The following RBM20 variants were observed in gnomAD, a reference collection of about 807,000 sequenced individuals.
The protein encoded by RBM20 is RNA binding motif protein 20.
In RBM20, 51 loss-of-function variants were observed where a neutral mutation model predicts 110.1. The observed-to-expected ratio is 0.46, with a 90% CI of 0.37 to 0.59. The LOEUF is 0.59. Among genes scored for constraint, RBM20 ranks in the 20% least tolerant of loss-of-function variants. The pLI is 0.00. For synonymous variants in RBM20, 589 were observed against 618.2 expected (o/e 0.95, Z 0.70); for missense variants, 1,512 against 1,574.9 (o/e 0.96, Z 0.68).
At position 110,810,553 on chromosome 10, in the gene RBM20, G is replaced by T. The variant is rs1844752262; in HGVS notation, c.1880+91G>T. On this transcript the variant is annotated intron_variant, in intron 8 of 13. Coordinates refer to ENST00000369519, the MANE Select transcript of RBM20 (RefSeq NM_001134363.3). Reference sequence around the variant, plus strand: ...TTCTTAGGGGCATTTGAGTCATGCTGTGCCCTGTTCTTGCCCCTACCCCAT... The same window carrying T: ...TTCTTAGGGGCATTTGAGTCATGCTTTGCCCTGTTCTTGCCCCTACCCCAT... 5 of 920,894 alleles carry T rather than the reference G, an allele frequency of 5.4e-6. No homozygotes were observed. In the East Asian group the frequency reaches 8.1e-5, roughly 15 times the overall value. 57.0% of individuals were successfully genotyped at this position (920,894 alleles called of 1,614,324 possible). A position where few individuals can be genotyped will look rare whatever the true frequency, so the allele number is the denominator to read the frequency against.
At chr10:110,823,895 T>TA in intron 12 of RBM20, among the ~76,000 whole-genome samples, 1 of 149,622 alleles carries the variant, frequency 6.7e-6, no homozygotes, top group South Asian at 2.1e-4. Flanking sequence ...TTTTTTTAAT[T>TA]TTTTTTTTTT....
chr10:110,750,108 A>G (rs1843833758), intron 1 of RBM20, among the ~76,000 whole-genome samples: 1 of 152,240 alleles, frequency 6.6e-6, no homozygotes, highest in Admixed American at 6.5e-5. Flanking sequence ...GGGACAGGGG[A>G]CATCAGCTTT....
chr10:110,698,243 G>T (rs949347425), intron 1 of RBM20, among the ~76,000 whole-genome samples: 1 of 117,876 alleles, frequency 8.5e-6, no homozygotes, highest in Non-Finnish European at 2.1e-5. Flanking sequence ...GGCCCTATGG[G>T]CAAAGACTTC....
intron 1 of RBM20, among the ~76,000 whole-genome samples, chr10:110,647,401 CT>C (rs1443317780): frequency 6.6e-6 from 1 of 152,122 alleles, no homozygotes; most frequent in African/African-American, 2.4e-5. Flanking sequence ...TCATCCATAC[CT>C]TTTCTGCTCT....
chr10:110,764,858 C>T (rs1844058468), intron 1 of RBM20, among the ~76,000 whole-genome samples: 1 of 152,172 alleles, frequency 6.6e-6, no homozygotes, highest in Admixed American at 6.5e-5. Flanking sequence ...TACCTTTCCC[C>T]AGCACAAGGG....
chr10:110,649,014 C>T (rs1259335443), intron 1 of RBM20, among the ~76,000 whole-genome samples: 1 of 152,082 alleles, frequency 6.6e-6, no homozygotes, highest in African/African-American at 2.4e-5. Flanking sequence ...TTTGATCACC[C>T]TTTTTATTTT....
intron 1 of RBM20, among the ~76,000 whole-genome samples, chr10:110,767,333 G>A (rs1844112388): frequency 1.4e-5 from 2 of 143,826 alleles, no homozygotes; most frequent in African/African-American, 2.6e-5. Flanking sequence ...GGCTAGCCGG[G>A]TGGGGGGCTG....
intron 1 of RBM20, among the ~76,000 whole-genome samples, chr10:110,752,594 T>C (rs1378482817): frequency 2.0e-5 from 3 of 152,210 alleles, no homozygotes; most frequent in Non-Finnish European, 4.4e-5. Context: ...TAGATGTAGT[T>C]GAAAGGGATA....
intron 1 of RBM20, among the ~76,000 whole-genome samples, chr10:110,746,487 G>T (rs1423158253): frequency 6.6e-6 from 1 of 152,196 alleles, no homozygotes; most frequent in African/African-American, 2.4e-5. Context: ...TGCTCAACTG[G>T]TAAGACCCAC....
chr10:110,832,677 A>G (rs914620999), intron 13 of RBM20, among the ~76,000 whole-genome samples: 2 of 152,254 alleles, frequency 1.3e-5, no homozygotes, highest in Non-Finnish European at 2.9e-5. Flanking sequence ...CTGATTCTGA[A>G]TCACTTTCCT....
intron 1 of RBM20, among the ~76,000 whole-genome samples, chr10:110,729,108 C>T (rs748611932): frequency 6.6e-6 from 1 of 152,066 alleles, no homozygotes; most frequent in Non-Finnish European, 1.5e-5. Context: ...TTTCTTCAAG[C>T]GTTCTGCTAG....
chr10:110,661,469 A>G (rs1341019970), intron 1 of RBM20, among the ~76,000 whole-genome samples: 1 of 152,206 alleles, frequency 6.6e-6, no homozygotes, highest in Non-Finnish European at 1.5e-5. Context: ...GCCAAAAAAG[A>G]TTGGAACAAC....
intron 12 of RBM20, among the ~76,000 whole-genome samples, chr10:110,826,293 GT>G (rs1844979968): frequency 6.6e-6 from 1 of 152,130 alleles, no homozygotes; most frequent in Admixed American, 6.5e-5. Context: ...CAAGTGCATA[GT>G]TTGATCAGTT....
At chr10:110,759,904 A>G (rs143260114) in intron 1 of RBM20, among the ~76,000 whole-genome samples, 2 of 152,300 alleles carry the variant, frequency 1.3e-5, no homozygotes, top group Non-Finnish European at 2.9e-5. Flanking sequence ...CAAATGTTAA[A>G]TTGGAGGCCA....
intron 9 of RBM20, among the ~76,000 whole-genome samples, chr10:110,816,236 A>G (rs1405421069): frequency 6.7e-6 from 1 of 150,192 alleles, no homozygotes; most frequent in African/African-American, 2.5e-5. Context: ...GCCACTGCAC[A>G]TGATTTCAAC....
chr10:110,755,429 G>GTTACT (rs1401995286), intron 1 of RBM20, among the ~76,000 whole-genome samples: 1 of 152,130 alleles, frequency 6.6e-6, no homozygotes, highest in Admixed American at 6.6e-5. Context: ...TGTTTTTATG[G>GTTACT]TTACTTACTC....
chr10:110,689,604 TG>T (rs1488389309), intron 1 of RBM20, among the ~76,000 whole-genome samples: 2 of 152,130 alleles, frequency 1.3e-5, no homozygotes, highest in African/African-American at 4.8e-5. Context: ...TCCACACGGT[TG>T]TTCTGTGCTG....
chr10:110,667,379 G>A (rs558600349), intron 1 of RBM20, among the ~76,000 whole-genome samples: 15 of 152,218 alleles, frequency 9.9e-5, no homozygotes, highest in Non-Finnish European at 2.1e-4. Flanking sequence ...GCCTGAATGA[G>A]GAGGCTCAGT....
chr10:110,767,748 G>A (rs1296792057), intron 1 of RBM20, among the ~76,000 whole-genome samples: 1 of 152,006 alleles, frequency 6.6e-6, no homozygotes, highest in African/African-American at 2.4e-5. Flanking sequence ...GGGCAGAGAC[G>A]CTCCTCACTT....
Sources: gnomAD v4.1 joint callset for allele counts (sites outside exome capture counted in the v4.1 genomes callset) on GRCh38, gnomAD v4.1.1 for gene constraint, MANE v1.5 for transcripts, NCBI Gene and HGNC (gene_info 2026-07-23, HGNC 2026-07-21) for gene names.